The following SQSTM1 variants were observed in gnomAD, a reference collection of about 807,000 sequenced individuals.
SQSTM1 encodes sequestosome-1.
Under a neutral mutation model 45.1 loss-of-function variants are expected in SQSTM1, and 36 were observed. The observed-to-expected ratio is 0.80, with a 90% CI of 0.61 to 1.05. The LOEUF (loss-of-function observed/expected upper bound fraction) is 1.05. SQSTM1 is among the 50% of genes least tolerant of loss of function. The probability of loss-of-function intolerance (pLI) is 0.00; values close to 1 mark genes in which losing one functional copy is unlikely to be tolerated. For missense variants in SQSTM1, 617 were observed against 607.1 expected (o/e 1.02, Z -0.17); for synonymous variants, 290 against 244.3 (o/e 1.19, Z -1.74).
chr5:179,825,169 A>G lies in SQSTM1; in HGVS notation c.697A>G (p.Ser233Gly). Residue 233 changes from serine (S) to glycine (G), a missense_variant, in exon 5 of 8, where the codon AGT becomes GGT. Ser to Gly is a moderately conservative substitution (Grantham distance 56). Transcript: ENST00000389805. Reference protein sequence around the residue: ...ESASGPSEDPSVNFLKNVGES... With the variant: ...ESASGPSEDPGVNFLKNVGES... Reference sequence around the variant, plus strand: ...AGCTTCTGGTCCATCGGAGGATCCGAGTGTGAATTTCCTGAAGAACGTTGG... The same window carrying G: ...AGCTTCTGGTCCATCGGAGGATCCGGGTGTGAATTTCCTGAAGAACGTTGG... The G allele has an allele frequency of 1.2e-6, 2 of 1,614,100 alleles. No homozygotes were observed. Among genetic ancestry groups the G allele is most frequent in the East Asian group, 2.2e-5 (1 of 44,890 alleles).
At chr5:179,822,608 G>C (rs1217978435) in intron 1 of SQSTM1, 2 of 362,140 alleles carry the variant, frequency 5.5e-6, no homozygotes, top group Non-Finnish European at 1.1e-5. Context: ...TCCCACAGTT[G>C]AAGACGGACA....
intron 1 of SQSTM1, chr5:179,808,536 G>A (rs547850833): frequency 1.3e-5 from 2 of 152,262 alleles, no homozygotes; most frequent in Non-Finnish European, 2.9e-5. Context: ...GTCACCCAGA[G>A]GCCGGGCGCG....
chr5:179,832,973 G>A, intron 5 of SQSTM1, 59 bp from the exon 6 acceptor site: 2 of 1,573,156 alleles, frequency 1.3e-6, no homozygotes, highest in Admixed American at 1.7e-5. Context: ...CCAAGCTCCT[G>A]CTTGCAGGTG....
intron 5 of SQSTM1, among the ~76,000 whole-genome samples, chr5:179,827,303 G>A (rs1417711023): frequency 2.6e-5 from 4 of 152,136 alleles, no homozygotes; most frequent in Non-Finnish European, 5.9e-5. Context: ...CAGATGCTCA[G>A]ATGTCTTTTT....
intron 5 of SQSTM1, among the ~76,000 whole-genome samples, chr5:179,826,667 C>T (rs1456449625): frequency 6.8e-6 from 1 of 146,764 alleles, no homozygotes; most frequent in Non-Finnish European, 1.5e-5. Flanking sequence ...GTGGTGTGAT[C>T]TCGGCTCACT....
intron 2 of SQSTM1, 102 bp from the exon 3 acceptor site, chr5:179,823,756 C>A: frequency 7.7e-7 from 1 of 1,301,760 alleles, no homozygotes; most frequent in South Asian, 1.2e-5. Context: ...TGCTGGAGAG[C>A]AGGGCCGGGG....
intron 5 of SQSTM1, among the ~76,000 whole-genome samples, chr5:179,829,022 G>A (rs978653936): frequency 6.6e-6 from 1 of 152,094 alleles, no homozygotes; most frequent in Non-Finnish European, 1.5e-5. Flanking sequence ...GTGATCGGGG[G>A]ACAGGAACAA....
chr5:179,837,878 G>C lies in SQSTM1; in HGVS notation c.*1285G>C. 6.2e-7 allele frequency: 1 copy of C among 1,604,176 alleles called. No homozygotes were observed. The highest frequency in any genetic ancestry group is 8.5e-7 in the Non-Finnish European group (1 of 1,178,870). ...TTGTTTCACCTTCCATGTCAGGCCAGCCTGTCCCTGAAAGAGAAGATGGCC... is the reference window on the plus strand; with the variant it reads ...TTGTTTCACCTTCCATGTCAGGCCACCCTGTCCCTGAAAGAGAAGATGGCC... On this transcript the variant is annotated 3_prime_UTR_variant, in exon 8 of 8. Coordinates refer to ENST00000389805, the MANE Select transcript of SQSTM1 (RefSeq NM_003900.5).
chr5:179,806,897 CGGGCCGGGCT>C lies in SQSTM1; in HGVS notation c.-157+311_-157+320del, dbSNP rs1385906096. On this transcript the variant is annotated intron_variant, in intron 1 of 5. Transcript: ENST00000514093. This position sits in a 1 kb window ranked among gnomAD's most constrained non-coding sequence, Gnocchi z 4.6. ...CCTCGCCTCCGCGGCAGGGCCGGGC[CGGGCCGGGCT>C]GGGCTGGGCTGGGCGGCGAGAGCCG... is the stretch of plus-strand genomic sequence containing the variant. The C allele has an allele frequency of 6.6e-6, 1 of 150,802 alleles. No individual in the cohort carries two copies. The highest frequency in any genetic ancestry group is 2.4e-5 in the African/African-American group (1 of 41,206). The allele number at this position is 150,802 out of a possible 1,614,324, so 9.3% of individuals were successfully genotyped here.
rs748097828 is a variant in SQSTM1, at chr5:179,837,774, T to C, written c.*1181T>C. On this transcript the variant is annotated 3_prime_UTR_variant, in exon 8 of 8. Coordinates refer to ENST00000389805, the MANE Select transcript of SQSTM1 (RefSeq NM_003900.5). ...GTGGCTGTAACCTGCTGGATGGGAC[T>C]CCATAGCTCCTTCCCAGGACCCCTC... is the stretch of plus-strand genomic sequence containing the variant. 4 of 1,614,204 alleles carry C rather than the reference T, an allele frequency of 2.5e-6. No homozygotes were observed. The highest frequency in any genetic ancestry group is 3.4e-6 in the Non-Finnish European group (4 of 1,180,030).
At chr5:179,836,226 G>A (rs779722345) in intron 7 of SQSTM1, 13 of 640,172 alleles carry the variant, frequency 2.0e-5, no homozygotes, top group Non-Finnish European at 3.6e-5. Context: ...GCTGCCTGGT[G>A]TCGCAGTGGC....
chr5:179,823,691 G>A, intron 2 of SQSTM1, 167 bp from the exon 3 acceptor site: 1 of 690,486 alleles, frequency 1.4e-6, no homozygotes, highest in Non-Finnish European at 2.4e-6. Context: ...CTCCTAGCAG[G>A]TTCTTGGTGG....
In SQSTM1 at chr5:179,836,827, T is replaced by C. The variant is rs1196792358; in HGVS notation, c.*234T>C. The C allele has an allele frequency of 7.3e-6, 5 of 686,110 alleles. No homozygotes were observed. The highest frequency in any genetic ancestry group is 2.7e-5 in the East Asian group (1 of 37,100). The allele number at this position is 686,110 out of a possible 1,614,324, so 42.5% of individuals were successfully genotyped here. A position where few individuals can be genotyped will look rare whatever the true frequency, so the allele number is the denominator to read the frequency against. ...TGGCTCCTTGCAGCAGGGCTGGGCC[T>C]GCGAGACCCAAGGCTCACTGCAGCG... On this transcript the variant is annotated 3_prime_UTR_variant, in exon 8 of 8. Coordinates refer to ENST00000389805, the MANE Select transcript of SQSTM1 (RefSeq NM_003900.5).
rs780452209 is a variant in SQSTM1 at position 179,837,249 on chromosome 5, AAC to A, written c.*657_*658del. ...TCTAATTAAATGGCATCAGCACTTT[AAC>A]CAATGACGTTTGCATAGAGAGAAAT... On this transcript the variant is annotated 3_prime_UTR_variant, in exon 8 of 8. Coordinates refer to ENST00000389805, the MANE Select transcript of SQSTM1 (RefSeq NM_003900.5). 1.2e-6 allele frequency: 2 copies of A among 1,603,428 alleles called. No individual in the cohort carries two copies. Among genetic ancestry groups the A allele is most frequent in the Admixed American group, 3.4e-5 (2 of 59,592 alleles).
intron 5 of SQSTM1, among the ~76,000 whole-genome samples, chr5:179,831,701 G>A (rs1758229131): frequency 6.6e-6 from 1 of 151,548 alleles, no homozygotes; most frequent in Non-Finnish European, 1.5e-5. Context: ...TCAGTGGTAG[G>A]AAAACAAAAA....
chr5:179,811,090 G>A (rs1364591965), intron 1 of SQSTM1, among the ~76,000 whole-genome samples: 3 of 151,970 alleles, frequency 2.0e-5, no homozygotes, highest in Admixed American at 2.0e-4. Flanking sequence ...AAAATTAGCC[G>A]GGAGTGGTGG....
intron 7 of SQSTM1, among the ~76,000 whole-genome samples, chr5:179,834,407 T>TA (rs1554091594): frequency 6.6e-6 from 1 of 151,188 alleles, no homozygotes; most frequent in Non-Finnish European, 1.5e-5. Context: ...TAGTTCTTAT[T>TA]TTTGTTTATT....
chr5:179,822,261 T>C (rs780996260), intron 1 of SQSTM1, among the ~76,000 whole-genome samples: 10 of 152,230 alleles, frequency 6.6e-5, no homozygotes, highest in Non-Finnish European at 1.3e-4. Flanking sequence ...ATATCAGAAC[T>C]AGTTTTTTTT....
chr5:179,836,162 C>T (rs145730829), intron 7 of SQSTM1: 2 of 564,916 alleles, frequency 3.5e-6, no homozygotes, highest in Non-Finnish European at 6.4e-6. Flanking sequence ...AAAGATGTGA[C>T]AGGTGAAATG....
Sources: allele counts gnomAD v4.1 joint callset (sites outside exome capture counted in the v4.1 genomes callset), GRCh38; gene constraint gnomAD v4.1.1; non-coding constraint Gnocchi (gnomAD v3.1); transcripts MANE v1.5; gene names NCBI Gene and HGNC (gene_info 2026-07-23, HGNC 2026-07-21).